HAUS7: variants seen among roughly 807,000 people sequenced by gnomAD.
HAUS7 encodes the protein HAUS augmin-like complex subunit 7.
In HAUS7, 3 loss-of-function variants were observed where a neutral mutation model predicts 28.4. That is an observed-to-expected ratio of 0.11 (90% CI 0.05 to 0.27). HAUS7 has a LOEUF of 0.27. HAUS7 is among the 10% of genes least tolerant of loss of function. The pLI is 1.00. For missense variants in HAUS7, 284 were observed against 297.3 expected, an observed-to-expected ratio of 0.96 and a Z score of 0.33; for synonymous variants, 165 against 132.1, an observed-to-expected ratio of 1.25 and a Z score of -1.71.
intron 7 of HAUS7, 117 bp downstream of exon 7, chrX:153,456,148 C>A (rs1556982085): frequency 1.8e-6 from 1 of 564,460 alleles, no homozygotes; most frequent in African/African-American, 2.2e-5. Context: ...CCACAGTATT[C>A]TAGAACATGT....
chrX:153,453,351 A>T (rs1809916644), intron 9 of HAUS7, among the ~76,000 whole-genome samples: 1 of 111,839 alleles, frequency 8.9e-6, no homozygotes, highest in African/African-American at 3.3e-5. Context: ...TAGTGATAAG[A>T]GGATGGTTAC....
intron 1 of HAUS7, chrX:153,479,183 G>A (rs1332489377): frequency 9.7e-6 from 2 of 206,231 alleles, no homozygotes; most frequent in African/African-American, 6.2e-5. Context: ...CAGGGAGCAA[G>A]ACCAACTTGT....
upstream of HAUS7, among the ~76,000 whole-genome samples, chrX:153,474,726 G>C (rs1170775809): frequency 9.5e-6 from 1 of 104,733 alleles, no homozygotes; most frequent in Non-Finnish European, 2.0e-5. Flanking sequence ...GGCGGGGGCG[G>C]GGGCGGGGGC....
intron 9 of HAUS7, among the ~76,000 whole-genome samples, chrX:153,453,366 C>G (rs1556981372): frequency 1.8e-5 from 2 of 111,709 alleles, no homozygotes; most frequent in African/African-American, 3.3e-5. Context: ...GGTTACACAA[C>G]TCTGTGAATA....
upstream of HAUS7, among the ~76,000 whole-genome samples, chrX:153,474,701 A>AC (rs1399453250): frequency 2.4e-5 from 1 of 41,900 alleles, no homozygotes; most frequent in Admixed American, 2.3e-4. Flanking sequence ...ACGCAACGGG[A>AC]GAGGCGGGGG....
At chrX:153,472,680 C>T (rs1410342143), upstream of HAUS7, among the ~76,000 whole-genome samples, 5 of 108,591 alleles carry the variant, frequency 4.6e-5, no homozygotes, top group Non-Finnish European at 3.8e-5. Context: ...AAGGGAGCTC[C>T]CGGTCCTAGA....
At chrX:153,482,329 T>C (rs2089605850) in intron 1 of HAUS7, 1 of 755,418 alleles carries the variant, frequency 1.3e-6, no homozygotes, top group African/African-American at 2.3e-5. Flanking sequence ...CCTCCCAGAA[T>C]CTGATGCGGC....
intron 1 of HAUS7, among the ~76,000 whole-genome samples, chrX:153,480,154 C>A (rs1407760942): frequency 9.0e-6 from 1 of 111,283 alleles, no homozygotes; most frequent in Non-Finnish European, 1.9e-5. Flanking sequence ...ACGCCCTACC[C>A]CCCACCCTTG....
chrX:153,476,437 C>T (rs919522475), intron 1 of HAUS7, among the ~76,000 whole-genome samples: 1 of 111,778 alleles, frequency 8.9e-6, no homozygotes, highest in Non-Finnish European at 1.9e-5. Flanking sequence ...AATCTGAGTC[C>T]CAGCTTGTAG....
intron 4 of HAUS7, chrX:153,461,958 T>C: frequency 2.3e-6 from 1 of 442,649 alleles, no homozygotes; most frequent in Admixed American, 4.1e-5. Flanking sequence ...CACTGACGTC[T>C]TATGTCTCCC....
chrX:153,458,132 G>A (rs1432336066), intron 4 of HAUS7, among the ~76,000 whole-genome samples: 7 of 113,296 alleles, frequency 6.2e-5, no homozygotes, highest in African/African-American at 9.6e-5. Context: ...TGTGGCAGGC[G>A]GGGGCAATGA....
chrX:153,460,424 T>C (rs1178054888), intron 4 of HAUS7, among the ~76,000 whole-genome samples: 1 of 111,799 alleles, frequency 8.9e-6, no homozygotes, highest in Non-Finnish European at 1.9e-5. Context: ...TTTGGGAAGA[T>C]GAACAAGTTC....
At chrX:153,475,755 C>G in intron 1 of HAUS7, among the ~76,000 whole-genome samples, 1 of 112,426 alleles carries the variant, frequency 8.9e-6, no homozygotes, top group Non-Finnish European at 1.9e-5. Context: ...GGGGGTCACC[C>G]CAAGGCTGTG....
intron 9 of HAUS7, among the ~76,000 whole-genome samples, chrX:153,453,220 T>C (rs1337146361): frequency 2.7e-5 from 3 of 111,976 alleles, no homozygotes; most frequent in Non-Finnish European, 5.6e-5. Flanking sequence ...GGCAAATCCA[T>C]AGAGACAGAC....
intron 8 of HAUS7, chrX:153,454,930 G>A (rs782238812): frequency 8.7e-6 from 9 of 1,032,089 alleles, no homozygotes; most frequent in African/African-American, 1.9e-5. Flanking sequence ...TGGAAGGCTC[G>A]GAGCCTCTCG....
At position 153,469,265 on chromosome X, in the gene HAUS7, A is replaced by G. The variant is rs1556984790; in HGVS notation, c.109-4T>C. The G allele has an allele frequency of 4.5e-6, 4 of 894,674 alleles. No homozygotes were observed. In the Admixed American group the frequency reaches 9.2e-5, roughly 21 times the overall value. The allele number at this position is 894,674 out of a possible 1,213,427, so 73.7% of individuals were successfully genotyped here. ...CGAGGAAGGGGCAGTTTAGGTCCTA[A>G]GCAAGGAAAAGGAAAGCAACATTCA... On this transcript the variant is annotated splice_region_variant and splice_polypyrimidine_tract_variant and intron_variant, in intron 1 of 9. Transcript: ENST00000370211.
chrX:153,484,679 G>A (rs924514685), intron 1 of HAUS7, among the ~76,000 whole-genome samples: 2 of 112,890 alleles, frequency 1.8e-5, no homozygotes, highest in African/African-American at 6.4e-5. Context: ...TTACCAGGAC[G>A]TTTGGGTTTA....
chrX:153,455,737 A>G lies in HAUS7; in HGVS notation c.735T>C (p.Ala245=). The change falls in exon 8 of 10, where the codon GCT becomes GCC. Residue 245 remains alanine (A), a synonymous_variant. Coordinates refer to ENST00000370211, the MANE Select transcript of HAUS7 (RefSeq NM_001385482.1). ...GGGTGCTGATGTCGGCTGCGCCCGC[A>G]GCAGCCCCTTGCTCATGCTGTGCAA... ...EYFAQHEQGA[A]AGAADISTLD... The G allele has an allele frequency of 1.7e-6, 2 of 1,198,683 alleles. No individual in the cohort carries two copies. Among genetic ancestry groups the G allele is most frequent in the Non-Finnish European group, 2.3e-6 (2 of 884,499 alleles).
intron 1 of HAUS7, among the ~76,000 whole-genome samples, chrX:153,489,049 G>A (rs2089656138): frequency 8.9e-6 from 1 of 112,765 alleles, no homozygotes; most frequent in Non-Finnish European, 1.9e-5. Context: ...GGAGAAGCTG[G>A]GCTGCAGCCG....
Sources: gnomAD v4.1 joint callset for allele counts (sites outside exome capture counted in the v4.1 genomes callset) on GRCh38, gnomAD v4.1.1 for gene constraint, MANE v1.5 for transcripts, NCBI Gene and HGNC (gene_info 2026-07-23, HGNC 2026-07-21) for gene names.